GABPB2: variants seen among roughly 807,000 people sequenced by gnomAD.
GABPB2 encodes GA binding protein transcription factor subunit beta 2, also known as GA-binding protein subunit beta-2.
A neutral mutation model predicts 39.1 loss-of-function variants in GABPB2; 23 were observed. That is an observed-to-expected ratio of 0.59 (90% confidence interval 0.42 to 0.83). The LOEUF (loss-of-function observed/expected upper bound fraction) is 0.83. Ranked by LOEUF, GABPB2 falls within the 40% of genes least tolerant of loss-of-function variation. GABPB2 has a pLI of 0.00. For missense variants in GABPB2, 467 were observed against 541.1 expected, an observed-to-expected ratio of 0.86 and a Z score of 1.36; for synonymous variants, 184 against 199.3, an observed-to-expected ratio of 0.92 and a Z score of 0.65.
Position 151,118,276 on chromosome 1 carries a change from G to C in GABPB2, c.*20G>C. On this transcript the variant is annotated 3_prime_UTR_variant, in exon 9 of 9. Coordinates refer to ENST00000368918, the MANE Select transcript of GABPB2 (RefSeq NM_144618.3). ...TCTTAATATGCAAGGGCCACAATTT[G>C]CACTGTGTTCATATTAATCCTCTTT... 1 of 1,601,612 alleles carries C rather than the reference G, an allele frequency of 6.2e-7. No homozygotes were observed. Among genetic ancestry groups the C allele is most frequent in the South Asian group, 1.1e-5 (1 of 90,212 alleles).
intron 7 of GABPB2, among the ~76,000 whole-genome samples, chr1:151,108,951 C>T (rs1461035240): frequency 1.3e-5 from 2 of 151,998 alleles, no homozygotes; most frequent in Non-Finnish European, 2.9e-5. Flanking sequence ...CTTTGGGAGA[C>T]CAAGGCAGGA....
Position 151,077,035 on chromosome 1 carries a change from C to T in GABPB2, c.-1+6101C>T, listed in dbSNP as rs587755356. Among the ~76,000 whole-genome samples, 5 of 152,094 alleles carry T rather than the reference C, an allele frequency of 3.3e-5. 2 individuals carry two copies. In the South Asian group the frequency reaches 6.2e-4, roughly 19 times the overall value. On this transcript the variant is annotated intron_variant, in intron 1 of 8. Coordinates refer to ENST00000368918, the MANE Select transcript of GABPB2 (RefSeq NM_144618.3). ...GTCTCAATCTCCTGACCTCGTGATC[C>T]GCCCTCCTGGGCCTCCCAAAGTGCT...
At chr1:151,078,364 C>T (rs1182988178) in intron 1 of GABPB2, among the ~76,000 whole-genome samples, 5 of 151,976 alleles carry the variant, frequency 3.3e-5, no homozygotes, top group Admixed American at 1.3e-4. Flanking sequence ...GAGGCCAAGG[C>T]GGGCGGATCA....
chr1:151,117,850 C>T (rs1185114528), intron 8 of GABPB2, 107 bp from the exon 9 acceptor site: 2 of 1,102,962 alleles, frequency 1.8e-6, no homozygotes, highest in Non-Finnish European at 2.6e-6. Flanking sequence ...TCCCAAAGTG[C>T]TTGGATTATA....
intron 6 of GABPB2, among the ~76,000 whole-genome samples, chr1:151,104,802 TTTTCTTTCTTTCC>T (rs1679820271): frequency 1.4e-5 from 2 of 139,442 alleles, no homozygotes; most frequent in African/African-American, 5.7e-5. Flanking sequence ...TCTTTCTTTC[TTTTCTTTCTTTCC>T]TTTCTTTCTT....
Position 151,124,822 on chromosome 1 carries a change from G to A in GABPB2, c.*6566G>A, listed in dbSNP as rs1426529616. The A allele has an allele frequency of 6.6e-6, 1 of 151,914 alleles. No homozygotes were observed. The highest frequency in any genetic ancestry group is 1.5e-5 in the Non-Finnish European group (1 of 67,982). 9.4% of individuals were successfully genotyped at this position (151,914 alleles called of 1,614,324 possible). A position where few individuals can be genotyped will look rare whatever the true frequency, so the allele number is the denominator to read the frequency against. On this transcript the variant is annotated 3_prime_UTR_variant, in exon 9 of 9. Coordinates refer to ENST00000368918, the MANE Select transcript of GABPB2 (RefSeq NM_144618.3). Reference sequence around the variant, plus strand: ...CTATGCCAATTTTTTTTAAGTCTCTGATGCTGCCCTTTTTAAATTTTTGTC... The same window carrying A: ...CTATGCCAATTTTTTTTAAGTCTCTAATGCTGCCCTTTTTAAATTTTTGTC...
rs1681330841 is a variant in GABPB2 at position 151,125,259 on chromosome 1, T to A, written c.*7003T>A. The A allele has an allele frequency of 6.6e-6, 1 of 152,326 alleles. No homozygotes were observed. Among genetic ancestry groups the A allele is most frequent in the South Asian group, 2.1e-4 (1 of 4,820 alleles). The allele number at this position is 152,326 out of a possible 1,614,324, so 9.4% of individuals were successfully genotyped here. On this transcript the variant is annotated 3_prime_UTR_variant, in exon 9 of 9. Coordinates refer to ENST00000368918, the MANE Select transcript of GABPB2 (RefSeq NM_144618.3). ...TGTGCTGTCCTTCTGTCAAGGCCAT[T>A]TGTGTGTGTACTGCGGCAGGTGTGT...
At chr1:151,115,697 C>T (rs1035087236) in intron 7 of GABPB2, among the ~76,000 whole-genome samples, 1 of 152,148 alleles carries the variant, frequency 6.6e-6, no homozygotes, top group Non-Finnish European at 1.5e-5. Flanking sequence ...CCACTGCGCC[C>T]ATCCTGCCAA....
intron 7 of GABPB2, among the ~76,000 whole-genome samples, chr1:151,115,289 C>A (rs1248735071): frequency 6.6e-6 from 1 of 151,260 alleles, no homozygotes; most frequent in Non-Finnish European, 1.5e-5. Context: ...GAACTGGGGG[C>A]AGAGGTTGCG....
intron 1 of GABPB2, among the ~76,000 whole-genome samples, chr1:151,080,094 A>T (rs1037581474): frequency 2.0e-5 from 3 of 151,720 alleles, no homozygotes; most frequent in African/African-American, 7.3e-5. Flanking sequence ...ACACGCCTGT[A>T]TTCCTAGCTA....
At chr1:151,088,518 G>T (rs191043480) in intron 2 of GABPB2, 1 of 1,147,410 alleles carries the variant, frequency 8.7e-7, no homozygotes, top group Non-Finnish European at 1.2e-6. Context: ...TAATTGTAAG[G>T]TATTATATAC....
At position 151,083,452 on chromosome 1, in the gene GABPB2, C is replaced by T. The variant is rs866962940; in HGVS notation, c.1-4738C>T. On this transcript the variant is annotated intron_variant, in intron 1 of 8. Coordinates refer to ENST00000368918, the MANE Select transcript of GABPB2 (RefSeq NM_144618.3). ...TTTGAGGACAGCCTGGCCAACATGG[C>T]GAAAACCTGTCTCTACTAAAAGTAC... Among the ~76,000 whole-genome samples the T allele has an allele frequency of 1.1e-4, 16 of 152,116 alleles. No individual in the cohort carries two copies. The South Asian group carries it at 1.9e-3, about 18-fold the overall frequency.
At chr1:151,082,670 A>T (rs1449952591) in intron 1 of GABPB2, among the ~76,000 whole-genome samples, 1 of 151,594 alleles carries the variant, frequency 6.6e-6, no homozygotes, top group African/African-American at 2.4e-5. Context: ...CAGCCTCCCA[A>T]AGTGCTGGGA....
chr1:151,085,699 G>A (rs745312915), intron 1 of GABPB2, among the ~76,000 whole-genome samples: 4 of 152,216 alleles, frequency 2.6e-5, no homozygotes, highest in East Asian at 1.9e-4. Flanking sequence ...TGATCTACCC[G>A]CCTGGGCCTC....
At chr1:151,082,936 A>G (rs1466478587) in intron 1 of GABPB2, among the ~76,000 whole-genome samples, 1 of 151,332 alleles carries the variant, frequency 6.6e-6, no homozygotes, top group African/African-American at 2.4e-5. Context: ...TGATCATACC[A>G]CTGCACTCTA....
chr1:151,100,168 G>A (rs371265372), intron 5 of GABPB2, among the ~76,000 whole-genome samples: 37 of 144,318 alleles, frequency 2.6e-4, no homozygotes, highest in African/African-American at 6.7e-4. Flanking sequence ...TTTTTGAGAC[G>A]GAGTCTCGCT....
intron 1 of GABPB2, among the ~76,000 whole-genome samples, chr1:151,080,899 G>T (rs1256822815): frequency 6.1e-5 from 9 of 147,194 alleles, no homozygotes; most frequent in Non-Finnish European, 1.2e-4. Context: ...TTGAGACGGA[G>T]TCTCGCTCTG....
chr1:151,083,868 G>A (rs775099901), intron 1 of GABPB2, among the ~76,000 whole-genome samples: 5 of 150,158 alleles, frequency 3.3e-5, no homozygotes, highest in Admixed American at 6.7e-5. Flanking sequence ...AGCCTCCCGA[G>A]TAGCTGTCAT....
chr1:151,086,605 A>C (rs917291426), intron 1 of GABPB2, among the ~76,000 whole-genome samples: 2 of 152,176 alleles, frequency 1.3e-5, no homozygotes, highest in Non-Finnish European at 1.5e-5. Flanking sequence ...AGGGGTCCAT[A>C]AACCATATTT....
Sources: allele counts gnomAD v4.1 joint callset (sites outside exome capture counted in the v4.1 genomes callset), GRCh38; gene constraint gnomAD v4.1.1; transcripts MANE v1.5; gene names NCBI Gene and HGNC (gene_info 2026-07-23, HGNC 2026-07-21).